Variants in HTRA1 observed in about 807,000 individuals in gnomAD.
HTRA1 encodes the protein serine protease HTRA1.
Under a neutral mutation model 49.7 loss-of-function variants are expected in HTRA1, and 26 were observed. The observed-to-expected ratio is 0.52, with a 90% CI of 0.38 to 0.73. The LOEUF is 0.73. HTRA1 is among the 30% of genes least tolerant of loss of function. The pLI is 0.00. For missense variants in HTRA1, 561 were observed against 667.2 expected, an observed-to-expected ratio of 0.84 and a Z score of 1.75; for synonymous variants, 291 against 286.9, an observed-to-expected ratio of 1.01 and a Z score of -0.14.
At chr10:122,511,077 CT>C (rs1468256924) in intron 7 of HTRA1, among the ~76,000 whole-genome samples, 1 of 152,152 alleles carries the variant, frequency 6.6e-6, no homozygotes, top group East Asian at 1.9e-4. Flanking sequence ...GATATGACCC[CT>C]GAGTGCCTCA....
Position 122,506,664 on chromosome 10 carries a change from C to A in HTRA1, c.778-27C>A. The A allele has an allele frequency of 1.2e-6, 2 of 1,602,534 alleles. No homozygotes were observed. Among genetic ancestry groups the A allele is most frequent in the South Asian group, 1.1e-5 (1 of 90,928 alleles). On this transcript the variant is annotated intron_variant, in intron 3 of 8. Coordinates refer to ENST00000368984, the MANE Select transcript of HTRA1 (RefSeq NM_002775.5). The surrounding 1 kb of genome is among the most constrained non-coding windows in gnomAD (Gnocchi z 5.2). ...CCTATTTGGTTAAATTAAACCAACT[C>A]AGCAACGCCAGCCATTGTGGTTTCA...
At chr10:122,503,174 G>T (rs979354796) in intron 3 of HTRA1, among the ~76,000 whole-genome samples, 1 of 152,238 alleles carries the variant, frequency 6.6e-6, no homozygotes, top group African/African-American at 2.4e-5. Flanking sequence ...TGGACTCAGA[G>T]TGCGTGGGCC....
intron 1 of HTRA1, among the ~76,000 whole-genome samples, chr10:122,476,618 G>A (rs374474068): frequency 6.6e-6 from 1 of 152,184 alleles, no homozygotes; most frequent in Middle Eastern, 3.2e-3. Context: ...GCAGGCACTC[G>A]GTCCCAGTTG....
rs946898463 is a variant in HTRA1 at position 122,512,162 on chromosome 10, G to A, written c.1274+97G>A. The A allele has an allele frequency of 2.3e-5, 21 of 900,286 alleles. No homozygotes were observed. In the African/African-American group the frequency reaches 3.1e-4, roughly 13 times the overall value. The allele number at this position is 900,286 out of a possible 1,614,324, so 55.8% of individuals were successfully genotyped here. ...CTGTTCCTTTTCTACTGGCTCAGAT[G>A]ATTATGTTGATCCTTGACAGACGTG... On this transcript the variant is annotated intron_variant, in intron 8 of 8. Transcript: ENST00000368984.
chr10:122,505,510 G>C (rs1023995132), intron 3 of HTRA1, among the ~76,000 whole-genome samples: 1 of 152,134 alleles, frequency 6.6e-6, no homozygotes, highest in Non-Finnish European at 1.5e-5. Context: ...GAGTCACCCA[G>C]AATCTTGGAC....
At position 122,488,969 on chromosome 10, in the gene HTRA1, C is replaced by T. The variant is rs993760566; in HGVS notation, c.540C>T (p.Ala180=). 29 of 1,613,936 alleles carry T rather than the reference C, an allele frequency of 1.8e-5. 1 individual carries two copies. The highest frequency in any genetic ancestry group is 6.7e-5 in the Admixed American group (4 of 59,996). ...TCGCGGACGTGGTGGAGAAGATCGC[C>T]CCTGCCGTGGTTCATATCGAATTGT... ...NFIADVVEKI[A]PAVVHIELFR... Residue 180 remains alanine (A), a synonymous_variant, in exon 2 of 9, where the codon GCC becomes GCT. Transcript: ENST00000368984.
chr10:122,496,231 T>TTTTTTG (rs2097498658), intron 3 of HTRA1, among the ~76,000 whole-genome samples: 1 of 65,384 alleles, frequency 1.5e-5, no homozygotes, highest in Non-Finnish European at 2.9e-5. Context: ...GTGGGTTCTT[T>TTTTTTG]TTTTTTTTTT....
chr10:122,508,843 G>A (rs1273343663), intron 6 of HTRA1, 73 bp downstream of exon 6: 1 of 936,296 alleles, frequency 1.1e-6, no homozygotes, highest in Non-Finnish European at 1.8e-6. Context: ...TGGGACTTGG[G>A]GAAGGGAAAA....
Position 122,480,189 on chromosome 10 carries a change from T to G in HTRA1, c.473-8713T>G, listed in dbSNP as rs554679566. Among the ~76,000 whole-genome samples the G allele has an allele frequency of 2.0e-5, 3 of 152,222 alleles. No homozygotes were observed. In the East Asian group the frequency reaches 5.8e-4, roughly 29 times the overall value. On this transcript the variant is annotated intron_variant, in intron 1 of 8. Coordinates refer to ENST00000368984, the MANE Select transcript of HTRA1 (RefSeq NM_002775.5). ...GTCACACAGCTGTACGGGGCAGAAGTGGGCATGGAGGCATTAACTTAGAGC... is the reference window on the plus strand; with the variant it reads ...GTCACACAGCTGTACGGGGCAGAAGGGGGCATGGAGGCATTAACTTAGAGC...
chr10:122,491,407 G>A (rs1037632857), intron 3 of HTRA1, among the ~76,000 whole-genome samples: 23 of 152,316 alleles, frequency 1.5e-4, no homozygotes, highest in Admixed American at 5.9e-4. Flanking sequence ...TAGTCTCACC[G>A]GAAGGAGCCA....
Position 122,461,841 on chromosome 10 carries a change from C to A in HTRA1, c.189C>A (p.Gly63=), listed in dbSNP as rs1565403942. ...CEGGRARDAC[G]CCEVCGAPEG... ...GCGGCCGGGCCCGGGACGCGTGCGG[C>A]TGCTGCGAGGTGTGCGGCGCGCCCG... Residue 63 remains glycine, a synonymous_variant, in exon 1 of 9, where the codon GGC becomes GGA. Coordinates refer to ENST00000368984, the MANE Select transcript of HTRA1 (RefSeq NM_002775.5). 1.7e-6 allele frequency: 2 copies of A among 1,152,012 alleles called. No individual in the cohort carries two copies. Among genetic ancestry groups the A allele is most frequent in the Non-Finnish European group, 1.1e-6 (1 of 939,484 alleles). 71.4% of individuals were successfully genotyped at this position (1,152,012 alleles called of 1,614,324 possible).
At chr10:122,495,126 C>T (rs956392406) in intron 3 of HTRA1, among the ~76,000 whole-genome samples, 3 of 152,202 alleles carry the variant, frequency 2.0e-5, no homozygotes, top group East Asian at 1.9e-4. Context: ...TGGGCTCACC[C>T]GCTGCCCTCT....
intron 1 of HTRA1, among the ~76,000 whole-genome samples, chr10:122,485,596 C>T (rs1163160058): frequency 2.6e-5 from 4 of 152,186 alleles, no homozygotes; most frequent in Admixed American, 6.5e-5. Flanking sequence ...TTCCAGTGGC[C>T]AGGCCAGATC....
chr10:122,481,470 G>A (rs2097490954), intron 1 of HTRA1, among the ~76,000 whole-genome samples: 2 of 152,198 alleles, frequency 1.3e-5, no homozygotes, highest in Admixed American at 1.3e-4. Context: ...CTCTCTACAA[G>A]CTGTGATGAT....
chr10:122,497,714 A>G (rs191119961), intron 3 of HTRA1, among the ~76,000 whole-genome samples: 4 of 152,294 alleles, frequency 2.6e-5, no homozygotes, highest in African/African-American at 9.6e-5. Context: ...GTTATTACCT[A>G]ATTTTAATAT....
intron 7 of HTRA1, among the ~76,000 whole-genome samples, chr10:122,510,940 TAA>T (rs144109454): frequency 0.017 from 2,658 of 152,320 alleles, 71 homozygotes; most frequent in East Asian, 0.14. Flanking sequence ...TTGTCAAGGT[TAA>T]AGTGTCCCCT....
chr10:122,484,350 T>C (rs569191482), intron 1 of HTRA1, among the ~76,000 whole-genome samples: 3 of 152,308 alleles, frequency 2.0e-5, no homozygotes, highest in African/African-American at 4.8e-5. Context: ...GTAGTGTCTG[T>C]GGGGTACCCT....
chr10:122,461,712 C>T lies in HTRA1; in HGVS notation c.60C>T (p.Ala20=), dbSNP rs781075445. ...PLLLLLLAAP[A]SAQLSRAGRS... is the part of the protein sequence containing the mutation. ...TGCTGCTGCTGCTGGCGGCGCCCGC[C>T]TCGGCGCAGCTGTCCCGGGCCGGCC... The change falls in exon 1 of 9, where the codon GCC becomes GCT. Residue 20 remains alanine, a synonymous_variant. Coordinates refer to ENST00000368984, the MANE Select transcript of HTRA1 (RefSeq NM_002775.5). 6 of 1,295,122 alleles carry T rather than the reference C, an allele frequency of 4.6e-6. No homozygotes were observed. The African/African-American group carries it at 9.6e-5, about 21-fold the overall frequency. The allele number at this position is 1,295,122 out of a possible 1,614,324, so 80.2% of individuals were successfully genotyped here. A position where few individuals can be genotyped will look rare whatever the true frequency, so the allele number is the denominator to read the frequency against.
In HTRA1 at chr10:122,506,485, C is replaced by T. The variant is rs145080496; in HGVS notation, c.778-206C>T. 1.3e-3 allele frequency among the ~76,000 whole-genome samples: 192 copies of T among 152,252 alleles called. No homozygotes were observed. Among genetic ancestry groups the T allele is most frequent in the African/African-American group, 4.3e-3 (178 of 41,548 alleles). ...GCTTCAGTGTTCACTGGCTCCCGCA[C>T]GGCTTGCAATGTGTGGATTACGGGT... On this transcript the variant is annotated intron_variant, in intron 3 of 8. Coordinates refer to ENST00000368984, the MANE Select transcript of HTRA1 (RefSeq NM_002775.5). The surrounding 1 kb of genome is among the most constrained non-coding windows in gnomAD (Gnocchi z 5.2).
Sources: allele counts gnomAD v4.1 joint callset (sites outside exome capture counted in the v4.1 genomes callset), GRCh38; gene constraint gnomAD v4.1.1; non-coding constraint Gnocchi (gnomAD v3.1); transcripts MANE v1.5; gene names NCBI Gene and HGNC (gene_info 2026-07-23, HGNC 2026-07-21).